The following LMO7 variants were observed in gnomAD, a reference collection of about 807,000 sequenced individuals.
LMO7 encodes the protein LIM domain only protein 7.
LMO7 carries 120 observed loss-of-function variants against 206.5 expected under a neutral mutation model. The ratio of observed to expected loss-of-function variants is 0.58; its 90% CI spans 0.50 to 0.68. LMO7 has a LOEUF of 0.68. Among genes scored for constraint, LMO7 ranks in the 30% least tolerant of loss-of-function variants. The pLI, the probability that LMO7 is intolerant of heterozygous loss-of-function variation, is 0.00. For synonymous variants in LMO7, 706 were observed against 681.5 expected, an observed-to-expected ratio of 1.04 and a Z score of -0.56; for missense variants, 1,959 against 1,957.9, an observed-to-expected ratio of 1.00 and a Z score of -0.01.
intron 1 of LMO7, among the ~76,000 whole-genome samples, chr13:75,707,773 T>A (rs933814105): frequency 2.6e-5 from 4 of 152,098 alleles, no homozygotes; most frequent in Admixed American, 2.6e-4. Flanking sequence ...ATAAATACTG[T>A]ACAAATGGAA....
chr13:75,823,220 A>G (rs1290920051), intron 14 of LMO7, among the ~76,000 whole-genome samples: 1 of 152,212 alleles, frequency 6.6e-6, no homozygotes, highest in Non-Finnish European at 1.5e-5. Context: ...GAGTTACACC[A>G]TCTTGATATG....
chr13:75,658,363 A>G (rs891676255), intron 1 of LMO7, among the ~76,000 whole-genome samples: 4 of 152,132 alleles, frequency 2.6e-5, no homozygotes, highest in African/African-American at 9.7e-5. Flanking sequence ...ATTTGATTAA[A>G]ATTTGTTGAA....
intron 27 of LMO7, among the ~76,000 whole-genome samples, chr13:75,851,972 T>A (rs1014819347): frequency 6.6e-6 from 1 of 152,062 alleles, no homozygotes; most frequent in Non-Finnish European, 1.5e-5. Context: ...AAAAAAAAAA[T>A]CTTAGTGTTA....
intron 11 of LMO7, among the ~76,000 whole-genome samples, chr13:75,816,150 G>C (rs1165092816): frequency 6.6e-6 from 1 of 152,200 alleles, no homozygotes; most frequent in African/African-American, 2.4e-5. Context: ...CCATGAGCTA[G>C]CTAAGCTAGG....
intron 1 of LMO7, among the ~76,000 whole-genome samples, chr13:75,645,492 G>GGT (rs2036930763): frequency 1.3e-5 from 2 of 152,102 alleles, no homozygotes; most frequent in Non-Finnish European, 2.9e-5. Flanking sequence ...TAGCCTGTAT[G>GGT]ACAGAGCGAG....
intron 1 of LMO7, among the ~76,000 whole-genome samples, chr13:75,700,493 A>G (rs1380004465): frequency 6.6e-6 from 1 of 152,236 alleles, no homozygotes; most frequent in African/African-American, 2.4e-5. Context: ...ACTTCCTGCA[A>G]TACTGTAGAT....
At chr13:75,774,919 C>T (rs1322184143) in intron 4 of LMO7, among the ~76,000 whole-genome samples, 1 of 151,926 alleles carries the variant, frequency 6.6e-6, no homozygotes, top group Non-Finnish European at 1.5e-5. Flanking sequence ...GAAATCTTTG[C>T]CTAACCCAAT....
At position 75,859,531 on chromosome 13, in the gene LMO7, A is replaced by T. The variant is rs1264508663; in HGVS notation, c.*1588A>T. 6.6e-6 allele frequency: 1 copy of T among 152,024 alleles called. No homozygotes were observed. Among genetic ancestry groups the T allele is most frequent in the Non-Finnish European group, 1.5e-5 (1 of 68,004 alleles). The allele number at this position is 152,024 out of a possible 1,614,324, so 9.4% of individuals were successfully genotyped here. ...ATAATTCCATTACTGTGTATTTTTCACTTGTTTCTAAGATCAAACATTTTA... is the reference window on the plus strand; with the variant it reads ...ATAATTCCATTACTGTGTATTTTTCTCTTGTTTCTAAGATCAAACATTTTA... On this transcript the variant is annotated 3_prime_UTR_variant, in exon 31 of 31. Coordinates refer to ENST00000377534, the MANE Select transcript of LMO7 (RefSeq NM_001306080.2).
intron 3 of LMO7, among the ~76,000 whole-genome samples, chr13:75,753,406 T>TGTC (rs1193940943): frequency 3.9e-5 from 6 of 152,294 alleles, no homozygotes; most frequent in Middle Eastern, 6.8e-3. Flanking sequence ...CAGAAGCCTT[T>TGTC]TAGTTTAAAT....
At chr13:75,765,346 C>G (rs1450599285) in intron 4 of LMO7, among the ~76,000 whole-genome samples, 1 of 141,740 alleles carries the variant, frequency 7.1e-6, no homozygotes, top group Non-Finnish European at 1.5e-5. Context: ...ACATGTCTTT[C>G]AAATGAGTTT....
intron 6 of LMO7, among the ~76,000 whole-genome samples, chr13:75,799,178 A>T (rs1043097274): frequency 2.0e-5 from 3 of 152,208 alleles, no homozygotes; most frequent in Non-Finnish European, 4.4e-5. Flanking sequence ...TGCTCCAGAC[A>T]CTTGTCAAAC....
chr13:75,667,977 G>C (rs142325351), intron 1 of LMO7, among the ~76,000 whole-genome samples: 1 of 152,230 alleles, frequency 6.6e-6, no homozygotes, highest in Non-Finnish European at 1.5e-5. Context: ...GGGAGGCAAG[G>C]TGGGCAGATT....
chr13:75,757,243 A>T (rs561124975), intron 3 of LMO7, among the ~76,000 whole-genome samples: 30 of 152,292 alleles, frequency 2.0e-4, no homozygotes, highest in African/African-American at 7.0e-4. Flanking sequence ...AGCTCCTCCA[A>T]GCTCCAGGAA....
intron 3 of LMO7, among the ~76,000 whole-genome samples, chr13:75,753,187 C>T (rs997099874): frequency 1.3e-5 from 2 of 152,114 alleles, no homozygotes; most frequent in African/African-American, 4.8e-5. Context: ...TAATGTTGAA[C>T]ATTTTTTCAT....
intron 4 of LMO7, among the ~76,000 whole-genome samples, chr13:75,789,876 A>G (rs2053015016): frequency 6.6e-6 from 1 of 152,174 alleles, no homozygotes; most frequent in African/African-American, 2.4e-5. Flanking sequence ...AAACCCGATC[A>G]TAAATGAAGA....
intron 3 of LMO7, among the ~76,000 whole-genome samples, chr13:75,737,234 T>A (rs1464364364): frequency 2.0e-5 from 3 of 152,058 alleles, no homozygotes; most frequent in African/African-American, 7.2e-5. Flanking sequence ...GAGTGATGCA[T>A]CTACAAGCCA....
chr13:75,722,437 G>A lies in LMO7; in HGVS notation c.141-4592G>A, dbSNP rs546999091. ...ATATACAAATGGCCAAAAAGCATATGGAAAAATGTACAGCATCGCTAATAA... is the reference window on the plus strand; with the variant it reads ...ATATACAAATGGCCAAAAAGCATATAGAAAAATGTACAGCATCGCTAATAA... On this transcript the variant is annotated intron_variant, in intron 2 of 30. Transcript: ENST00000377534. Among the ~76,000 whole-genome samples, 140 of 152,136 alleles carry A rather than the reference G, an allele frequency of 9.2e-4. 1 individual carries two copies. Among genetic ancestry groups the A allele is most frequent in the Middle Eastern group, 6.8e-3 (2 of 294 alleles).
Position 75,805,839 on chromosome 13 carries a change from A to G in LMO7, c.1196+79A>G, listed in dbSNP as rs1456683449. ...GGGGTTCTATGTGCATGTTTTTTAT[A>G]ATAATAAGAGAGACAGAGAAAGTCT... On this transcript the variant is annotated intron_variant, in intron 9 of 30. Transcript: ENST00000377534. 5 of 1,402,436 alleles carry G rather than the reference A, an allele frequency of 3.6e-6. No homozygotes were observed. In the African/African-American group the frequency reaches 7.2e-5, roughly 20 times the overall value. 86.9% of individuals were successfully genotyped at this position (1,402,436 alleles called of 1,614,324 possible). A position where few individuals can be genotyped will look rare whatever the true frequency, so the allele number is the denominator to read the frequency against.
At chr13:75,764,045 T>A (rs965350921) in intron 4 of LMO7, among the ~76,000 whole-genome samples, 1 of 152,192 alleles carries the variant, frequency 6.6e-6, no homozygotes, top group Non-Finnish European at 1.5e-5. Context: ...TATTTTACTT[T>A]GTAGGAAGCA....
Sources: allele counts gnomAD v4.1 joint callset (sites outside exome capture counted in the v4.1 genomes callset), GRCh38; gene constraint gnomAD v4.1.1; transcripts MANE v1.5; gene names NCBI Gene and HGNC (gene_info 2026-07-23, HGNC 2026-07-21).